MACROH2A1: variants seen among roughly 807,000 people sequenced by gnomAD.
MACROH2A1 encodes core histone macro-H2A.1.
Under a neutral mutation model 31.6 loss-of-function variants are expected in MACROH2A1, and 2 were observed. The observed-to-expected ratio is 0.06, with a 90% CI of 0.03 to 0.20. The LOEUF is 0.20. Among genes scored for constraint, MACROH2A1 ranks in the 10% least tolerant of loss-of-function variants. The pLI, the probability that MACROH2A1 is intolerant of heterozygous loss-of-function variation, is 1.00. For missense variants in MACROH2A1, 230 were observed against 474.0 expected (o/e 0.49, Z 4.78); for synonymous variants, 169 against 189.6 (o/e 0.89, Z 0.89).
chr5:135,357,647 T>C (rs1350879175), intron 5 of MACROH2A1: 2 of 689,312 alleles, frequency 2.9e-6, no homozygotes, highest in East Asian at 2.7e-4. Context: ...AGAAATGTTT[T>C]TTCTGAAAAT....
intron 6 of MACROH2A1, 43 bp downstream of exon 6, chr5:135,352,903 T>G (rs1249344300): frequency 9.4e-7 from 1 of 1,060,120 alleles, no homozygotes; most frequent in Non-Finnish European, 1.5e-6. Context: ...TTCCATAACT[T>G]TTCATCTGAC....
rs561549679 is a variant in MACROH2A1, at chr5:135,376,067, C to T, written c.173-5925G>A. ...GGTCTGAAGCTTGCCCAGCCATCAG[C>T]TGGGAGCTCTGGGCCACAGCAAAGC... On this transcript the variant is annotated intron_variant, in intron 2 of 8. Transcript: ENST00000511689. 3.3e-5 allele frequency among the ~76,000 whole-genome samples: 5 copies of T among 152,284 alleles called. No individual in the cohort carries two copies. In the East Asian group the frequency reaches 9.7e-4, roughly 29 times the overall value.
chr5:135,335,328 A>G (rs1223231372), intron 8 of MACROH2A1, among the ~76,000 whole-genome samples, 187 bp from the exon 9 acceptor site: 1 of 152,242 alleles, frequency 6.6e-6, no homozygotes, highest in Admixed American at 6.5e-5. Context: ...GATGGGGGAC[A>G]GACAACTGGG....
Position 135,369,372 on chromosome 5 carries a change from A to ATC in MACROH2A1, c.477+32_477+33dup. The ATC allele has an allele frequency of 6.4e-7, 1 of 1,561,006 alleles. No individual in the cohort carries two copies. The highest frequency in any genetic ancestry group is 8.8e-7 in the Non-Finnish European group (1 of 1,131,704). ...ACCCTGTTTATCCGTACCCCATCCTATCCCACTTCATACATTCTGGCCAAA... is the reference window on the plus strand; with the variant it reads ...ACCCTGTTTATCCGTACCCCATCCTATCTCCCACTTCATACATTCTGGCCAAA... On this transcript the variant is annotated intron_variant, in intron 4 of 8. Transcript: ENST00000511689. The surrounding 1 kb of genome is among the most constrained non-coding windows in gnomAD (Gnocchi z 4.3).
intron 8 of MACROH2A1, among the ~76,000 whole-genome samples, chr5:135,341,372 A>G (rs1759831550): frequency 6.6e-6 from 1 of 152,244 alleles, no homozygotes; most frequent in Non-Finnish European, 1.5e-5. Context: ...CCCATAGCTC[A>G]ACAACTGGTG....
intron 5 of MACROH2A1, chr5:135,356,122 G>T (rs1762145516): frequency 6.6e-6 from 1 of 152,214 alleles, no homozygotes; most frequent in African/African-American, 2.4e-5. Flanking sequence ...CACAGCATGA[G>T]GAATTTAAAG....
At chr5:135,380,499 C>A (rs1561649967) in intron 2 of MACROH2A1, among the ~76,000 whole-genome samples, 1 of 152,100 alleles carries the variant, frequency 6.6e-6, no homozygotes, top group East Asian at 1.9e-4. Flanking sequence ...TGTTTTAGAA[C>A]ACACACTTGG....
At chr5:135,355,410 C>G (rs1762064787) in intron 5 of MACROH2A1, 1 of 378,264 alleles carries the variant, frequency 2.6e-6, no homozygotes, top group South Asian at 2.0e-5. Flanking sequence ...TCACTCTTCA[C>G]ATCTGTGGAT....
chr5:135,343,763 C>T lies in MACROH2A1; in HGVS notation c.779-329G>A, dbSNP rs17168168. 2,021 of 321,580 alleles carry T rather than the reference C, an allele frequency of 6.3e-3. 40 individuals carry two copies. Among genetic ancestry groups the T allele is most frequent in the African/African-American group, 0.038 (1,844 of 48,044 alleles). The allele number at this position is 321,580 out of a possible 1,614,324, so 19.9% of individuals were successfully genotyped here. A position where few individuals can be genotyped will look rare whatever the true frequency, so the allele number is the denominator to read the frequency against. ...AAAACTCAACTGAACGCAAACTCAA[C>T]GTGTCAGAACATTTGCAGCCTCAAA... On this transcript the variant is annotated intron_variant, in intron 7 of 8. Transcript: ENST00000511689.
chr5:135,348,789 C>T (rs1246678421), intron 6 of MACROH2A1, among the ~76,000 whole-genome samples: 1 of 152,192 alleles, frequency 6.6e-6, no homozygotes, highest in Non-Finnish European at 1.5e-5. Flanking sequence ...GTTGGGGTGT[C>T]TGAACCTGCT....
chr5:135,338,058 G>A, intron 8 of MACROH2A1: 1 of 1,087,750 alleles, frequency 9.2e-7, no homozygotes, highest in Non-Finnish European at 1.2e-6. Flanking sequence ...AAAATGTCTT[G>A]CTGCCAGTTA....
chr5:135,379,867 T>A (rs2149902250), intron 2 of MACROH2A1, among the ~76,000 whole-genome samples: 1 of 152,296 alleles, frequency 6.6e-6, no homozygotes, highest in African/African-American at 2.4e-5. Context: ...CCTGACTTCC[T>A]CTGCTTTTCA....
intron 4 of MACROH2A1, chr5:135,360,834 C>G (rs1762756336): frequency 4.4e-6 from 3 of 674,588 alleles, no homozygotes; most frequent in Non-Finnish European, 8.1e-6. Context: ...AAAAAAAAAC[C>G]AGCCACTTAA....
At position 135,398,495 on chromosome 5, in the gene MACROH2A1, G is replaced by C. The variant is rs3776197; in HGVS notation, c.-34+567C>G. 0.019 allele frequency among the ~76,000 whole-genome samples: 2,907 copies of C among 152,288 alleles called. 70 individuals carry two copies. Among genetic ancestry groups the C allele is most frequent in the Admixed American group, 0.069 (1,055 of 15,308 alleles). Reference sequence around the variant, plus strand: ...CCAACCCGGTCCCCCGCACCAGCCCGGCTTCAATCCCGCGAGTAGCCCCCG... The same window carrying C: ...CCAACCCGGTCCCCCGCACCAGCCCCGCTTCAATCCCGCGAGTAGCCCCCG... On this transcript the variant is annotated intron_variant, in intron 1 of 8. Transcript: ENST00000511689. The surrounding 1 kb of genome is among the most constrained non-coding windows in gnomAD (Gnocchi z 4.6).
chr5:135,362,263 CTTG>C (rs770777492), intron 4 of MACROH2A1: 8 of 152,164 alleles, frequency 5.3e-5, no homozygotes, highest in Non-Finnish European at 1.2e-4. Flanking sequence ...TGTTGATTTC[CTTG>C]TTGTGACCAT....
chr5:135,394,850 C>T (rs1348868652), intron 1 of MACROH2A1, among the ~76,000 whole-genome samples: 2 of 152,200 alleles, frequency 1.3e-5, no homozygotes, highest in African/African-American at 4.8e-5. Context: ...CACATGCCAG[C>T]TACAAGGTAG....
At chr5:135,345,056 A>G (rs1193455655) in intron 7 of MACROH2A1, 1 of 152,226 alleles carries the variant, frequency 6.6e-6, no homozygotes, top group African/African-American at 2.4e-5. Flanking sequence ...ACTTTGGTGG[A>G]ACTGCCTGGG....
At position 135,364,719 on chromosome 5, in the gene MACROH2A1, T is replaced by C. The variant is rs182326823; in HGVS notation, c.478-4112A>G. Among the ~76,000 whole-genome samples, 56 of 152,352 alleles carry C rather than the reference T, an allele frequency of 3.7e-4. 1 individual carries two copies. Among genetic ancestry groups the C allele is most frequent in the Non-Finnish European group, 7.2e-4 (49 of 68,036 alleles). ...AAAATCATCACCCCATGTTTACCTA[T>C]GTTTAGTCTCTTATTCTAATGTTTG... On this transcript the variant is annotated intron_variant, in intron 4 of 8. Transcript: ENST00000511689.
intron 1 of MACROH2A1, among the ~76,000 whole-genome samples, chr5:135,396,467 C>T (rs907695845): frequency 5.9e-5 from 9 of 152,142 alleles, no homozygotes; most frequent in Non-Finnish European, 1.2e-4. Flanking sequence ...CACCTGACTC[C>T]GCACCAGGAC....
Sources: allele counts gnomAD v4.1 joint callset (sites outside exome capture counted in the v4.1 genomes callset), GRCh38; gene constraint gnomAD v4.1.1; non-coding constraint Gnocchi (gnomAD v3.1); transcripts MANE v1.5; gene names NCBI Gene and HGNC (gene_info 2026-07-23, HGNC 2026-07-21).